The following FAR2 variants were observed in gnomAD, a reference collection of about 807,000 sequenced individuals.
FAR2 encodes the protein epididymis secretory protein Li 81.
In FAR2, 19 loss-of-function variants were observed where a neutral mutation model predicts 56.0. That is an observed-to-expected ratio of 0.34 (90% CI 0.24 to 0.50). The LOEUF (loss-of-function observed/expected upper bound fraction) is 0.50. Among genes scored for constraint, FAR2 ranks in the 20% least tolerant of loss-of-function variants. FAR2 has a pLI of 0.98. For synonymous variants in FAR2, 219 were observed against 218.8 expected (o/e 1.00, Z -0.01); for missense variants, 508 against 642.2 (o/e 0.79, Z 2.26).
chr12:29,256,813 T>A (rs970747579), intron 1 of FAR2, among the ~76,000 whole-genome samples: 3 of 152,032 alleles, frequency 2.0e-5, no homozygotes, highest in Non-Finnish European at 4.4e-5. Context: ...GTGTACTGGG[T>A]CCCCCAGCAG....
At chr12:29,311,731 C>T (rs946779437) in intron 7 of FAR2, 152 bp from the exon 8 acceptor site, 17 of 546,422 alleles carry the variant, frequency 3.1e-5, no homozygotes, top group Non-Finnish European at 5.6e-5. Context: ...GCTTATTAAC[C>T]CAGAGAAAGA....
intron 1 of FAR2, among the ~76,000 whole-genome samples, chr12:29,172,250 T>C (rs1949895098): frequency 6.6e-6 from 1 of 152,094 alleles, no homozygotes. Flanking sequence ...CGCTGCCCCA[T>C]CTGGGAAGTG....
At chr12:29,323,195 G>A (rs926540781) in intron 10 of FAR2, among the ~76,000 whole-genome samples, 1 of 152,226 alleles carries the variant, frequency 6.6e-6, no homozygotes, top group African/African-American at 2.4e-5. Context: ...CAGTGAGGCT[G>A]GGGGAGGCAC....
At chr12:29,164,648 G>A (rs988917065) in intron 1 of FAR2, among the ~76,000 whole-genome samples, 1 of 152,192 alleles carries the variant, frequency 6.6e-6, no homozygotes, top group Non-Finnish European at 1.5e-5. Flanking sequence ...GGAGGGGAGA[G>A]TGAAGGGAGC....
chr12:29,321,114 T>C (rs985690488), intron 9 of FAR2, among the ~76,000 whole-genome samples: 5 of 151,958 alleles, frequency 3.3e-5, no homozygotes, highest in African/African-American at 1.2e-4. Context: ...ATCTCCACTA[T>C]GATTGACAAC....
chr12:29,277,935 T>TC lies in FAR2; in HGVS notation c.189+7297_189+7298insC, dbSNP rs1014320008. On this transcript the variant is annotated intron_variant, in intron 2 of 11. Transcript: ENST00000536681. Reference sequence around the variant, plus strand: ...TTCATTTGTACATATTTTCTTTCTTTTTTTTTTTTTTTTTTTTGAGATAGG... The same window carrying TC: ...TTCATTTGTACATATTTTCTTTCTTTCTTTTTTTTTTTTTTTTTGAGATAGG... The TC allele has an allele frequency of 3.9e-4, 44 of 111,998 alleles. No homozygotes were observed. The East Asian group carries it at 4.3e-3, about 11-fold the overall frequency. The allele number at this position is 111,998 out of a possible 1,614,324, so 6.9% of individuals were successfully genotyped here. A position where few individuals can be genotyped will look rare whatever the true frequency, so the allele number is the denominator to read the frequency against.
intron 1 of FAR2, among the ~76,000 whole-genome samples, chr12:29,199,114 A>G (rs1418647097): frequency 6.6e-6 from 1 of 152,186 alleles, no homozygotes; most frequent in Non-Finnish European, 1.5e-5. Flanking sequence ...CAAAGGTAAT[A>G]GGTATGACTC....
chr12:29,275,906 A>G (rs1378223305), intron 2 of FAR2, among the ~76,000 whole-genome samples: 1 of 152,206 alleles, frequency 6.6e-6, no homozygotes, highest in Non-Finnish European at 1.5e-5. Flanking sequence ...TGTTTTCACT[A>G]TTGGGCTATT....
intron 1 of FAR2, among the ~76,000 whole-genome samples, chr12:29,263,180 T>C (rs1305646382): frequency 1.4e-4 from 21 of 152,134 alleles, no homozygotes. Flanking sequence ...AAGAGAAATA[T>C]AGCCCTCAAT....
chr12:29,210,243 A>G (rs1403897428), intron 1 of FAR2, among the ~76,000 whole-genome samples: 1 of 152,206 alleles, frequency 6.6e-6, no homozygotes, highest in African/African-American at 2.4e-5. Flanking sequence ...TTAATTAGTT[A>G]AATTAATTCT....
intron 4 of FAR2, chr12:29,302,183 G>C (rs918515260): frequency 7.3e-6 from 1 of 136,820 alleles, no homozygotes; most frequent in African/African-American, 2.7e-5. Flanking sequence ...TGAGCCGAGA[G>C]ATTGTGCCAC....
At chr12:29,149,443 C>A (rs1197068299) in intron 1 of FAR2, 36 bp downstream of exon 1, 2 of 152,392 alleles carry the variant, frequency 1.3e-5, no homozygotes, top group African/African-American at 4.8e-5. Context: ...GCTCGCAGAG[C>A]CCACGCGCTC....
At position 29,208,108 on chromosome 12, in the gene FAR2, T is replaced by G. The variant is rs1358395231; in HGVS notation, c.-39+58701T>G. Among the ~76,000 whole-genome samples the G allele has an allele frequency of 2.6e-5, 4 of 152,366 alleles. No homozygotes were observed. In the East Asian group the frequency reaches 5.8e-4, roughly 22 times the overall value. ...GTTTGTGTATTAGTATTAAAAGAAG[T>G]GTGTTGCTTTGCAGCTGACTAGAAG... is the stretch of plus-strand genomic sequence containing the variant. On this transcript the variant is annotated intron_variant, in intron 1 of 11. Coordinates refer to ENST00000536681, the MANE Select transcript of FAR2 (RefSeq NM_001271783.2).
chr12:29,223,453 C>A (rs889927), intron 1 of FAR2, among the ~76,000 whole-genome samples: 43,432 of 152,024 alleles, frequency 0.29, 7,877 homozygotes, highest in Admixed American at 0.42. Flanking sequence ...TTTAGCAGGT[C>A]ATCAATAATT....
At chr12:29,235,803 C>T (rs1332365393) in intron 1 of FAR2, among the ~76,000 whole-genome samples, 3 of 152,120 alleles carry the variant, frequency 2.0e-5, no homozygotes, top group African/African-American at 7.2e-5. Flanking sequence ...AAGAGTTAGA[C>T]TTTTGTCAGA....
chr12:29,188,321 CT>C (rs1950064156), intron 1 of FAR2, among the ~76,000 whole-genome samples: 1 of 152,078 alleles, frequency 6.6e-6, no homozygotes, highest in Non-Finnish European at 1.5e-5. Context: ...CTTTTCTGCC[CT>C]TAATTTTCAT....
Position 29,284,731 on chromosome 12 carries a change from C to T in FAR2, c.190-8569C>T, listed in dbSNP as rs555786099. Reference sequence around the variant, plus strand: ...CTTTAAGAGGTAAACAAATTAACTTCGAACTAAGAAAACAAAAACAAAACA... The same window carrying T: ...CTTTAAGAGGTAAACAAATTAACTTTGAACTAAGAAAACAAAAACAAAACA... On this transcript the variant is annotated intron_variant, in intron 2 of 11. Transcript: ENST00000536681. Among the ~76,000 whole-genome samples the T allele has an allele frequency of 1.1e-4, 16 of 152,170 alleles. No homozygotes were observed. The South Asian group carries it at 1.2e-3, about 12-fold the overall frequency.
At chr12:29,210,655 T>C (rs975845944) in intron 1 of FAR2, among the ~76,000 whole-genome samples, 1 of 152,250 alleles carries the variant, frequency 6.6e-6, no homozygotes, top group Non-Finnish European at 1.5e-5. Flanking sequence ...TATGATTTCT[T>C]TTTTAACTCT....
In FAR2 at chr12:29,270,544, G is replaced by A. The variant is rs369271779; in HGVS notation, c.95G>A (p.Arg32His). The change falls in exon 2 of 12, where the codon CGC becomes CAC. Residue 32 changes from arginine to histidine, a missense_variant. Arg to His is a conservative substitution (Grantham distance 29, BLOSUM62 0). Coordinates refer to ENST00000536681, the MANE Select transcript of FAR2 (RefSeq NM_001271783.2). ...LGKVLMEKLF[R>H]TSPDLKVIYI... ...AAAGTGCTGATGGAGAAGCTGTTTC[G>A]CACCAGCCCAGACCTGAAAGTCATT... The A allele has an allele frequency of 2.6e-5, 42 of 1,613,866 alleles. No homozygotes were observed. The highest frequency in any genetic ancestry group is 6.7e-5 in the African/African-American group (5 of 75,016).
Sources: gnomAD v4.1 joint callset for allele counts (sites outside exome capture counted in the v4.1 genomes callset) on GRCh38, gnomAD v4.1.1 for gene constraint, MANE v1.5 for transcripts, NCBI Gene and HGNC (gene_info 2026-07-23, HGNC 2026-07-21) for gene names.